Variants in RBM19 observed in about 807,000 individuals in gnomAD.
RBM19 encodes probable RNA-binding protein 19.
In RBM19, 94 loss-of-function variants were observed where a neutral mutation model predicts 116.8. The ratio of observed to expected loss-of-function variants is 0.80; its 90% CI spans 0.68 to 0.95. The LOEUF (loss-of-function observed/expected upper bound fraction) is 0.95. Ranked by LOEUF, RBM19 falls within the 40% of genes least tolerant of loss-of-function variation. The probability of loss-of-function intolerance (pLI) is 0.00; values close to 1 mark genes in which losing one functional copy is unlikely to be tolerated. For synonymous variants in RBM19, 475 were observed against 494.1 expected (o/e 0.96, Z 0.51); for missense variants, 1,161 against 1,220.7 (o/e 0.95, Z 0.73).
At chr12:113,924,805 C>A in intron 17 of RBM19, 48 bp from the exon 18 acceptor site, 2 of 1,474,132 alleles carry the variant, frequency 1.4e-6, no homozygotes, top group Non-Finnish European at 9.5e-7. Flanking sequence ...AACCACTATG[C>A]AGGCAAGGGC....
At chr12:113,944,016 G>C (rs534040315) in intron 13 of RBM19, among the ~76,000 whole-genome samples, 1 of 150,288 alleles carries the variant, frequency 6.7e-6, no homozygotes, top group African/African-American at 2.5e-5. Context: ...AGGAGCTTAC[G>C]AGCCAAATCC....
chr12:113,915,234 G>A (rs1218403063), intron 20 of RBM19, 149 bp from the exon 21 acceptor site: 1 of 691,820 alleles, frequency 1.4e-6, no homozygotes, highest in African/African-American at 1.8e-5. Flanking sequence ...AGGAGAGGAA[G>A]GCCGTCTCCC....
At chr12:113,875,452 G>T (rs182431353) in intron 21 of RBM19, among the ~76,000 whole-genome samples, 5 of 152,312 alleles carry the variant, frequency 3.3e-5, no homozygotes, top group African/African-American at 4.8e-5. Flanking sequence ...GGGTCTGTGC[G>T]TGGCCTGGAG....
chr12:113,895,497 T>C (rs1881257052), intron 21 of RBM19, among the ~76,000 whole-genome samples: 1 of 152,136 alleles, frequency 6.6e-6, no homozygotes, highest in African/African-American at 2.4e-5. Context: ...ATAGGCAAGA[T>C]TGCCAGACAC....
intron 21 of RBM19, among the ~76,000 whole-genome samples, chr12:113,874,147 C>T (rs1213674270): frequency 6.6e-6 from 1 of 152,244 alleles, no homozygotes; most frequent in Non-Finnish European, 1.5e-5. Context: ...TTCTATTGCA[C>T]ATTTTTTCCC....
chr12:113,926,674 C>T (rs1316739385), intron 17 of RBM19, among the ~76,000 whole-genome samples: 3 of 152,244 alleles, frequency 2.0e-5, no homozygotes, highest in African/African-American at 7.2e-5. Context: ...CAAGCCCAGA[C>T]CCTCACTCAC....
chr12:113,931,715 C>A (rs1869619078), intron 16 of RBM19, among the ~76,000 whole-genome samples: 1 of 152,194 alleles, frequency 6.6e-6, no homozygotes, highest in South Asian at 2.1e-4. Flanking sequence ...GCCTTTGCAC[C>A]TGCTGGCCTC....
At position 113,904,203 on chromosome 12, in the gene RBM19, G is replaced by A. The variant is rs149374403; in HGVS notation, c.2558+10766C>T. On this transcript the variant is annotated intron_variant, in intron 21 of 23. Transcript: ENST00000261741. ...GCACTGAGCTCCCAATAAGCACGTG[G>A]TTATTTGTGGACTGCCCTTGATAAG... 2.2e-3 allele frequency among the ~76,000 whole-genome samples: 330 copies of A among 152,270 alleles called. 1 individual carries two copies. Among genetic ancestry groups the A allele is most frequent in the Non-Finnish European group, 4.1e-3 (278 of 68,016 alleles).
intron 21 of RBM19, among the ~76,000 whole-genome samples, chr12:113,870,612 C>T (rs751074803): frequency 8.5e-5 from 13 of 152,240 alleles, no homozygotes; most frequent in East Asian, 3.9e-4. Flanking sequence ...GCAACAAGAT[C>T]TTACAAATAC....
In RBM19 at chr12:113,825,467, T is replaced by A. The variant is rs1874778739; in HGVS notation, c.2786-2146A>T. Among the ~76,000 whole-genome samples the A allele has an allele frequency of 6.6e-6, 1 of 152,098 alleles. No individual in the cohort carries two copies. The highest frequency in any genetic ancestry group is 2.4e-5 in the African/African-American group (1 of 41,406). ...GAGGTGCACAATGGCCTCTGGAAATTGAATTTGTGGGCAGGTAATAGGAAC... is the reference window on the plus strand; with the variant it reads ...GAGGTGCACAATGGCCTCTGGAAATAGAATTTGTGGGCAGGTAATAGGAAC... On this transcript the variant is annotated intron_variant, in intron 23 of 23. Transcript: ENST00000261741. The surrounding 1 kb of genome is among the most constrained non-coding windows in gnomAD (Gnocchi z 5.7).
intron 21 of RBM19, among the ~76,000 whole-genome samples, chr12:113,887,667 A>G (rs1202331172): frequency 6.6e-6 from 1 of 151,136 alleles, no homozygotes; most frequent in African/African-American, 2.4e-5. Context: ...AAGAAAAAAG[A>G]AAAAGCCAAC....
At chr12:113,844,548 C>A (rs1876777299) in intron 23 of RBM19, 120 bp downstream of exon 23, 15 of 1,351,660 alleles carry the variant, frequency 1.1e-5, no homozygotes, top group Non-Finnish European at 1.5e-5. Flanking sequence ...GCAGGAGGTG[C>A]TTGGCAGCCC....
intron 21 of RBM19, among the ~76,000 whole-genome samples, chr12:113,875,452 G>A (rs182431353): frequency 2.6e-5 from 4 of 152,310 alleles, no homozygotes; most frequent in Admixed American, 6.5e-5. Context: ...GGGTCTGTGC[G>A]TGGCCTGGAG....
At position 113,955,418 on chromosome 12, in the gene RBM19, C is replaced by T. The variant is rs538746780; in HGVS notation, c.841-207G>A. ...GCCAAGTCTCCATGTGCCCCTGAGACGAGGGCTGGAACCAGAGCCTGGCAA... is the reference window on the plus strand; with the variant it reads ...GCCAAGTCTCCATGTGCCCCTGAGATGAGGGCTGGAACCAGAGCCTGGCAA... On this transcript the variant is annotated intron_variant, in intron 6 of 23. Coordinates refer to ENST00000261741, the MANE Select transcript of RBM19 (RefSeq NM_016196.4). Among the ~76,000 whole-genome samples the T allele has an allele frequency of 2.2e-3, 328 of 152,144 alleles. 2 individuals carry two copies. The highest frequency in any genetic ancestry group is 3.8e-3 in the Non-Finnish European group (261 of 68,020).
At chr12:113,929,520 A>T (rs1869416725) in intron 16 of RBM19, among the ~76,000 whole-genome samples, 1 of 152,170 alleles carries the variant, frequency 6.6e-6, no homozygotes, top group Non-Finnish European at 1.5e-5. Flanking sequence ...TTAAAACCCA[A>T]CTTTCAAACA....
chr12:113,916,196 CAGG>C (rs1882760723), intron 20 of RBM19, among the ~76,000 whole-genome samples: 1 of 152,180 alleles, frequency 6.6e-6, no homozygotes, highest in Admixed American at 6.5e-5. Flanking sequence ...CACCTGAGGT[CAGG>C]AGTTCAAGAC....
At chr12:113,937,777 A>G (rs941130237) in intron 15 of RBM19, among the ~76,000 whole-genome samples, 6 of 133,436 alleles carry the variant, frequency 4.5e-5, no homozygotes, top group African/African-American at 1.7e-4. Context: ...AAAAAAAAAA[A>G]AGAGGGGCCC....
chr12:113,843,397 C>A (rs1192582629), intron 23 of RBM19, among the ~76,000 whole-genome samples: 7 of 152,134 alleles, frequency 4.6e-5, no homozygotes, highest in African/African-American at 1.7e-4. Context: ...GGGACCCAGG[C>A]GACAATGAGG....
chr12:113,878,927 C>T (rs928569629), intron 21 of RBM19, among the ~76,000 whole-genome samples: 13 of 151,752 alleles, frequency 8.6e-5, no homozygotes, highest in African/African-American at 2.2e-4. Context: ...GTCACACACG[C>T]GAGTGAGTGG....
Sources: allele counts gnomAD v4.1 joint callset (sites outside exome capture counted in the v4.1 genomes callset), GRCh38; gene constraint gnomAD v4.1.1; non-coding constraint Gnocchi (gnomAD v3.1); transcripts MANE v1.5; gene names NCBI Gene and HGNC (gene_info 2026-07-23, HGNC 2026-07-21).